Variants in PALLD observed in about 807,000 individuals in gnomAD.
PALLD encodes palladin, cytoskeletal associated protein.
PALLD carries 61 observed loss-of-function variants against 123.5 expected under a neutral mutation model. The ratio of observed to expected loss-of-function variants is 0.49; its 90% confidence interval spans 0.40 to 0.61. The LOEUF is 0.61. Among genes scored for constraint, PALLD ranks in the 20% least tolerant of loss-of-function variants. The pLI is 0.00. For missense variants in PALLD, 1,273 were observed against 1,377.0 expected, an observed-to-expected ratio of 0.92 and a Z score of 1.20; for synonymous variants, 465 against 496.4, an observed-to-expected ratio of 0.94 and a Z score of 0.84.
At chr4:168,534,359 C>T (rs1202453041) in intron 2 of PALLD, among the ~76,000 whole-genome samples, 1 of 152,218 alleles carries the variant, frequency 6.6e-6, no homozygotes, top group Non-Finnish European at 1.5e-5. Context: ...AGTCAGAGGA[C>T]ATATCAGCAG....
chr4:168,842,967 C>T (rs914298950), intron 10 of PALLD, among the ~76,000 whole-genome samples: 1 of 152,058 alleles, frequency 6.6e-6, no homozygotes, highest in Non-Finnish European at 1.5e-5. Context: ...GCTCGTTACC[C>T]AAAAAATGAT....
rs559005959 is a variant in PALLD, at chr4:168,883,927, T to C, written c.1965-6995T>C. 2.8e-4 allele frequency among the ~76,000 whole-genome samples: 39 copies of C among 140,544 alleles called. No homozygotes were observed. In the East Asian group the frequency reaches 8.3e-3, roughly 30 times the overall value. The allele number at this position is 140,544 out of a possible 152,430, so 92.2% of individuals were successfully genotyped here. On this transcript the variant is annotated intron_variant, in intron 10 of 21. Transcript: ENST00000505667. ...ACTAACTTTGAATACTATTTTATTTTTTTTTAATTGTGCAAACCATCAAAA... is the reference window on the plus strand; with the variant it reads ...ACTAACTTTGAATACTATTTTATTTCTTTTTAATTGTGCAAACCATCAAAA...
intron 10 of PALLD, among the ~76,000 whole-genome samples, chr4:168,811,593 G>T (rs564299645): frequency 6.6e-6 from 1 of 152,088 alleles, no homozygotes; most frequent in South Asian, 2.1e-4. Flanking sequence ...AAAATTAGCC[G>T]GGCATAGTGG....
intron 2 of PALLD, among the ~76,000 whole-genome samples, chr4:168,661,040 G>C (rs929759471): frequency 5.3e-5 from 8 of 152,132 alleles, no homozygotes; most frequent in South Asian, 2.1e-4. Context: ...GAGTAGCTGG[G>C]ACTACAGGCA....
chr4:168,539,187 G>A (rs143703998), intron 2 of PALLD, among the ~76,000 whole-genome samples: 25 of 152,284 alleles, frequency 1.6e-4, no homozygotes, highest in African/African-American at 5.5e-4. Flanking sequence ...GAAAACTGAG[G>A]CTTAGAGAAA....
chr4:168,624,439 T>C (rs1775049555), intron 2 of PALLD, among the ~76,000 whole-genome samples: 1 of 152,136 alleles, frequency 6.6e-6, no homozygotes, highest in Non-Finnish European at 1.5e-5. Flanking sequence ...AATATTCTCT[T>C]AGCATAATAA....
chr4:168,833,419 C>A (rs921517050), intron 10 of PALLD, among the ~76,000 whole-genome samples: 5 of 152,090 alleles, frequency 3.3e-5, no homozygotes, highest in Admixed American at 3.3e-4. Flanking sequence ...TCTCTAGGAG[C>A]CAGAGATGAC....
chr4:168,878,013 C>T lies in PALLD; in HGVS notation c.1965-12909C>T, dbSNP rs1015571748. 6.7e-7 allele frequency: 1 copy of T among 1,497,332 alleles called. No homozygotes were observed. The highest frequency in any genetic ancestry group is 8.9e-7 in the Non-Finnish European group (1 of 1,129,224). 92.8% of individuals were successfully genotyped at this position (1,497,332 alleles called of 1,614,324 possible). ...GGGCCCGCGTCGGGCCACGGCACGC[C>T]GGCCTCCAGCCCCAGCTCGTCCAGC... On this transcript the variant is annotated intron_variant, in intron 10 of 21. Coordinates refer to ENST00000505667, the MANE Select transcript of PALLD (RefSeq NM_001166108.2).
At chr4:168,606,968 C>A (rs1448529803) in intron 2 of PALLD, among the ~76,000 whole-genome samples, 1 of 152,082 alleles carries the variant, frequency 6.6e-6, no homozygotes, top group Non-Finnish European at 1.5e-5. Context: ...AAACAAGATG[C>A]AAGATAGGCC....
intron 21 of PALLD, chr4:168,925,495 A>T (rs957986631): frequency 1.8e-6 from 1 of 550,370 alleles, no homozygotes. Flanking sequence ...AATGCACTCT[A>T]AACGTGTGTT....
In PALLD at chr4:168,708,903, T is replaced by C. The variant is rs534726143; in HGVS notation, c.1502-125T>C. 1.3e-5 allele frequency: 12 copies of C among 897,450 alleles called. No individual in the cohort carries two copies. In the African/African-American group the frequency reaches 2.0e-4, roughly 15 times the overall value. 55.6% of individuals were successfully genotyped at this position (897,450 alleles called of 1,614,324 possible). A position where few individuals can be genotyped will look rare whatever the true frequency, so the allele number is the denominator to read the frequency against. On this transcript the variant is annotated intron_variant, in intron 8 of 21. Transcript: ENST00000505667. ...TAAAGAGATTCTATTGTAAACACTT[T>C]TGTAAAGTGAATCTGTAATAATCAT... is the stretch of plus-strand genomic sequence containing the variant.
intron 17 of PALLD, among the ~76,000 whole-genome samples, chr4:168,919,331 C>T (rs1289096915): frequency 6.6e-6 from 1 of 152,048 alleles, no homozygotes; most frequent in Non-Finnish European, 1.5e-5. Flanking sequence ...CGAGACCAGC[C>T]TGGCCAACAT....
At chr4:168,836,157 G>T (rs1218552658) in intron 10 of PALLD, among the ~76,000 whole-genome samples, 1 of 152,172 alleles carries the variant, frequency 6.6e-6, no homozygotes, top group African/African-American at 2.4e-5. Flanking sequence ...TAATGACTAC[G>T]AGGAAACAAG....
intron 10 of PALLD, among the ~76,000 whole-genome samples, chr4:168,737,527 T>G (rs1034072799): frequency 2.5e-4 from 37 of 148,588 alleles, no homozygotes; most frequent in African/African-American, 8.2e-4. Context: ...GTTTTTTTGG[T>G]TTTTTTTTTG....
intron 8 of PALLD, among the ~76,000 whole-genome samples, chr4:168,698,729 G>A (rs1328338529): frequency 6.6e-6 from 1 of 151,862 alleles, no homozygotes; most frequent in Admixed American, 6.6e-5. Flanking sequence ...GGCCCAAGAT[G>A]GTTCTTGGGA....
chr4:168,764,000 C>G (rs1177931084), intron 10 of PALLD, among the ~76,000 whole-genome samples: 1 of 152,096 alleles, frequency 6.6e-6, no homozygotes, highest in African/African-American at 2.4e-5. Context: ...TCATTTTATT[C>G]ACCTATAAAT....
At chr4:168,855,089 C>CTTTTTTTTTTTT (rs11338063) in intron 10 of PALLD, among the ~76,000 whole-genome samples, 1 of 103,992 alleles carries the variant, frequency 9.6e-6, no homozygotes, top group Non-Finnish European at 1.9e-5. Flanking sequence ...AAGGAATGTT[C>CTTTTTTTTTTTT]TTTTTTTTTT....
intron 2 of PALLD, among the ~76,000 whole-genome samples, chr4:168,610,288 T>C (rs1349351919): frequency 1.3e-5 from 2 of 152,192 alleles, no homozygotes; most frequent in African/African-American, 4.8e-5. Flanking sequence ...CCTTGATTGA[T>C]TAAGTATCTC....
At chr4:168,659,036 G>A (rs1778879100) in intron 2 of PALLD, among the ~76,000 whole-genome samples, 6 of 152,218 alleles carry the variant, frequency 3.9e-5, no homozygotes. Context: ...AGTGTGTCAT[G>A]TGGTTAATGT....
Sources: allele counts gnomAD v4.1 joint callset (sites outside exome capture counted in the v4.1 genomes callset), GRCh38; gene constraint gnomAD v4.1.1; transcripts MANE v1.5; gene names NCBI Gene and HGNC (gene_info 2026-07-23, HGNC 2026-07-21).